UNC13B: variants seen among roughly 807,000 people sequenced by gnomAD.
The protein encoded by UNC13B is unc-13 homolog B.
A neutral mutation model predicts 211.0 loss-of-function variants in UNC13B; 144 were observed. The observed-to-expected ratio is 0.68, with a 90% CI of 0.60 to 0.78. UNC13B has a LOEUF of 0.78. Among genes scored for constraint, UNC13B ranks in the 30% least tolerant of loss-of-function variants. The probability of loss-of-function intolerance (pLI) is 0.00; values close to 1 mark genes in which losing one functional copy is unlikely to be tolerated. For missense variants in UNC13B, 1,777 were observed against 2,002.0 expected (o/e 0.89, Z 2.14); for synonymous variants, 709 against 725.8 (o/e 0.98, Z 0.37).
chr9:35,400,211 CTCT>C, intron 36 of UNC13B, 82 bp from the exon 37 acceptor site: 1 of 1,556,048 alleles, frequency 6.4e-7, no homozygotes, highest in Admixed American at 1.8e-5. Context: ...TCTCACAGTC[CTCT>C]TCTTGCTTCT....
intron 9 of UNC13B, among the ~76,000 whole-genome samples, chr9:35,308,667 C>G (rs1463676953): frequency 6.6e-6 from 1 of 152,110 alleles, no homozygotes; most frequent in Non-Finnish European, 1.5e-5. Flanking sequence ...AAAGCTGGGC[C>G]CCCGATATTT....
intron 1 of UNC13B, among the ~76,000 whole-genome samples, chr9:35,221,881 C>T (rs966561674): frequency 3.3e-5 from 5 of 152,154 alleles, no homozygotes; most frequent in African/African-American, 1.2e-4. Flanking sequence ...ATATGAATAT[C>T]GAATTTTTCA....
chr9:35,275,678 C>T (rs1049803331), intron 7 of UNC13B, among the ~76,000 whole-genome samples: 2 of 150,748 alleles, frequency 1.3e-5, no homozygotes, highest in African/African-American at 4.9e-5. Context: ...CTGTGACCTC[C>T]GCCTCCTGGG....
At chr9:35,197,019 C>G (rs1413643319) in intron 1 of UNC13B, among the ~76,000 whole-genome samples, 4 of 152,098 alleles carry the variant, frequency 2.6e-5, no homozygotes, top group Admixed American at 2.6e-4. Flanking sequence ...ATTCCTCCTG[C>G]TTCAATCTCC....
At chr9:35,170,677 G>T (rs1245846005) in intron 1 of UNC13B, among the ~76,000 whole-genome samples, 2 of 152,068 alleles carry the variant, frequency 1.3e-5, no homozygotes, top group Non-Finnish European at 2.9e-5. Context: ...TTGCTATGTT[G>T]CCCAGGCTGG....
intron 11 of UNC13B, chr9:35,364,443 A>G: frequency 2.3e-6 from 3 of 1,311,664 alleles, no homozygotes; most frequent in East Asian, 5.1e-5. Context: ...CCTCTCTTCC[A>G]TGTCCCTTGG....
chr9:35,380,636 T>C lies in UNC13B; in HGVS notation c.10372T>C (p.Leu3458=), dbSNP rs773244745. 68 of 1,613,968 alleles carry C rather than the reference T, an allele frequency of 4.2e-5. No homozygotes were observed. Among genetic ancestry groups the C allele is most frequent in the Non-Finnish European group, 5.3e-5 (63 of 1,180,004 alleles). ...LSGEMDVWYN[L]EKRTDKSAVS... ...TGGCGAGATGGACGTCTGGTACAAC[T>C]TGGGTGAGGAAACTGGACCCGAGAA... is the stretch of plus-strand genomic sequence containing the variant. The change falls in exon 18 of 40, where the codon TTG becomes CTG. Residue 3458 remains leucine, a synonymous_variant. Transcript: ENST00000635942.
At chr9:35,183,379 A>G (rs1224911112) in intron 1 of UNC13B, among the ~76,000 whole-genome samples, 1 of 124,622 alleles carries the variant, frequency 8.0e-6, no homozygotes, top group Admixed American at 8.1e-5. Flanking sequence ...GGCGCTCCTC[A>G]CCTCCCAGAC....
chr9:35,384,605 G>A, intron 22 of UNC13B: 1 of 985,356 alleles, frequency 1.0e-6, no homozygotes, highest in Non-Finnish European at 1.2e-6. Flanking sequence ...AGTTTCCTGA[G>A]GATAATCTCT....
intron 6 of UNC13B, among the ~76,000 whole-genome samples, chr9:35,250,957 C>CTTTTT (rs35077779): frequency 1.2e-3 from 95 of 77,078 alleles, no homozygotes; most frequent in Non-Finnish European, 1.6e-3. Context: ...GTTACTCTTC[C>CTTTTT]TTTTTTTTTT....
Position 35,381,184 on chromosome 9 carries a change from C to T in UNC13B, c.10460C>T (p.Pro3487Leu). 6.2e-7 allele frequency: 1 copy of T among 1,613,474 alleles called. No individual in the cohort carries two copies. The highest frequency in any genetic ancestry group is 8.5e-7 in the Non-Finnish European group (1 of 1,179,750). Reference protein sequence around the residue: ...VEIKGEEKVAPYHVQYTCLHE... With the variant: ...VEIKGEEKVALYHVQYTCLHE... ...ATCAAGGGGGAGGAGAAAGTAGCCC[C>T]ATACCACGTGCAGTATACATGTCTC... Residue 3487 changes from proline (P) to leucine (L), a missense_variant, in exon 19 of 40, where the codon CCA (proline) becomes CTA (leucine). Coordinates refer to ENST00000635942, the MANE Select transcript of UNC13B (RefSeq NM_001371189.2).
chr9:35,351,304 A>C, intron 11 of UNC13B: 1 of 1,209,800 alleles, frequency 8.3e-7, no homozygotes. Context: ...CTACAGGATA[A>C]ATCAAGCCAG....
intron 30 of UNC13B, 99 bp from the exon 31 acceptor site, chr9:35,398,112 T>G (rs1836009832): frequency 2.8e-6 from 3 of 1,062,252 alleles, no homozygotes; most frequent in Admixed American, 2.3e-5. Context: ...ATGTCATATG[T>G]GAAGTCCCTG....
At chr9:35,226,159 C>A (rs1237145721) in intron 1 of UNC13B, among the ~76,000 whole-genome samples, 1 of 152,174 alleles carries the variant, frequency 6.6e-6, no homozygotes, top group Admixed American at 6.5e-5. Flanking sequence ...TACAGTTTCA[C>A]AGGCCCTGCT....
intron 26 of UNC13B, among the ~76,000 whole-genome samples, chr9:35,395,951 G>T (rs1835844384): frequency 1.3e-5 from 2 of 152,072 alleles, no homozygotes; most frequent in South Asian, 2.1e-4. Flanking sequence ...TTACACCATG[G>T]CTGCCCAACT....
chr9:35,176,878 GAGA>G (rs1227100450), intron 1 of UNC13B, among the ~76,000 whole-genome samples: 1 of 152,170 alleles, frequency 6.6e-6, no homozygotes, highest in Non-Finnish European at 1.5e-5. Context: ...ACACTATCGA[GAGA>G]AGGAGAAGAA....
At position 35,188,514 on chromosome 9, in the gene UNC13B, T is replaced by C. The variant is rs533076090; in HGVS notation, c.22+26209T>C. On this transcript the variant is annotated intron_variant, in intron 1 of 39. Coordinates refer to ENST00000635942, the MANE Select transcript of UNC13B (RefSeq NM_001371189.2). ...ATAACTTAAAGAATATCGGACATCA[T>C]TTTGGCAATCTTATGTGACAAAACA... Among the ~76,000 whole-genome samples the C allele has an allele frequency of 4.6e-5, 7 of 152,224 alleles. No homozygotes were observed. The South Asian group carries it at 1.4e-3, about 31-fold the overall frequency.
At position 35,304,598 on chromosome 9, in the gene UNC13B, C is replaced by T. The variant is rs1829840123; in HGVS notation, c.5194C>T (p.Pro1732Ser). The stretch of plus-strand genomic sequence containing the variant: ...TGAAGAAGTTACCACTTTGGTTCAT[C>T]CTGAAAATATGACTAAAGGCTCACA... ...SVEEVTTLVH[P>S]ENMTKGSQQA... is the part of the protein sequence containing the mutation. The change falls in exon 9 of 40, where the codon CCT becomes TCT. Residue 1732 changes from proline to serine, a missense_variant. Pro to Ser is a moderately conservative substitution (Grantham distance 74). Transcript: ENST00000635942. 5.0e-6 allele frequency: 2 copies of T among 398,704 alleles called. No individual in the cohort carries two copies. Among genetic ancestry groups the T allele is most frequent in the Non-Finnish European group, 4.4e-6 (1 of 225,898 alleles). The allele number at this position is 398,704 out of a possible 1,614,324, so 24.7% of individuals were successfully genotyped here. A position where few individuals can be genotyped will look rare whatever the true frequency, so the allele number is the denominator to read the frequency against.
rs751545089 is a variant in UNC13B at position 35,259,000 on chromosome 9, G to C, written c.476G>C (p.Ser159Thr). Residue 159 changes from serine (S) to threonine (T), a missense_variant, in exon 7 of 40, where the codon AGT (serine) becomes ACT (threonine). Transcript: ENST00000635942. ...TCTCCTTTCTGCTTCTAGTATTCTA[G>C]TCAAGAAGAAAGCCAGAGGAAGCCA... Reference protein sequence around the residue: ...NALGADNEYSSQEESQRKPLP... With the variant: ...NALGADNEYSTQEESQRKPLP... 1 of 1,613,388 alleles carries C rather than the reference G, an allele frequency of 6.2e-7. No individual in the cohort carries two copies. The highest frequency in any genetic ancestry group is 8.5e-7 in the Non-Finnish European group (1 of 1,179,740).
Sources: gnomAD v4.1 joint callset for allele counts (sites outside exome capture counted in the v4.1 genomes callset) on GRCh38, gnomAD v4.1.1 for gene constraint, MANE v1.5 for transcripts, NCBI Gene and HGNC (gene_info 2026-07-23, HGNC 2026-07-21) for gene names.